The following UTRN variants were observed in gnomAD, a reference collection of about 807,000 sequenced individuals.
UTRN encodes dystrophin-related protein 1.
Under a neutral mutation model 463.9 loss-of-function variants are expected in UTRN, and 283 were observed. That is an observed-to-expected ratio of 0.61 (90% CI 0.55 to 0.67). UTRN has a LOEUF of 0.67. Among genes scored for constraint, UTRN ranks in the 30% least tolerant of loss-of-function variants. The pLI, the probability that UTRN is intolerant of heterozygous loss-of-function variation, is 0.00. For missense variants in UTRN, 3,922 were observed against 4,084.3 expected (o/e 0.96, Z 1.08); for synonymous variants, 1,442 against 1,431.5 (o/e 1.01, Z -0.17).
Position 144,525,828 on chromosome 6 carries a change from A to G in UTRN, c.5906+2640A>G, listed in dbSNP as rs572643303. On this transcript the variant is annotated intron_variant, in intron 41 of 74. Transcript: ENST00000367545. ...TTGATGTAGGCATTTAATGCTATGC[A>G]CATTCCTCTTAGTACCGCTTTTGCC... Among the ~76,000 whole-genome samples, 14 of 152,174 alleles carry G rather than the reference A, an allele frequency of 9.2e-5. No homozygotes were observed. In the East Asian group the frequency reaches 1.4e-3, roughly 15 times the overall value.
chr6:144,831,958 TCA>T (rs67546960), intron 69 of UTRN, among the ~76,000 whole-genome samples: 7,555 of 152,306 alleles, frequency 0.05, 522 homozygotes, highest in African/African-American at 0.15. Flanking sequence ...ATTGAATGAA[TCA>T]CAGTTTTTTT....
intron 51 of UTRN, among the ~76,000 whole-genome samples, chr6:144,588,791 G>A (rs367987837): frequency 6.6e-6 from 1 of 152,112 alleles, no homozygotes; most frequent in Non-Finnish European, 1.5e-5. Flanking sequence ...AGTATATTTG[G>A]TAGTTTATTT....
At chr6:144,424,732 C>G (rs1399851635) in intron 6 of UTRN, among the ~76,000 whole-genome samples, 1 of 152,164 alleles carries the variant, frequency 6.6e-6, no homozygotes, top group Non-Finnish European at 1.5e-5. Context: ...GTACCTTTCA[C>G]TCACATTTCC....
At chr6:144,611,867 T>C (rs1360428062) in intron 51 of UTRN, among the ~76,000 whole-genome samples, 1 of 152,164 alleles carries the variant, frequency 6.6e-6, no homozygotes, top group Non-Finnish European at 1.5e-5. Flanking sequence ...CAAATTTGTA[T>C]GAATCCACAA....
At position 144,771,930 on chromosome 6, in the gene UTRN, G is replaced by A; in HGVS notation, c.8519G>A (p.Trp2840Ter). ...AGCCATCAAACACAGACCACCTGTT[G>A]GGACCATCCTAAAATGACCGAACTC... ...YINHQTQTTC[W>*]DHPKMTELFQ... The change falls in exon 59 of 75, where the codon TGG (tryptophan) becomes TAG (stop). Residue 2840 changes from tryptophan to a stop codon, truncating the protein, a stop_gained. Coordinates refer to ENST00000367545, the MANE Select transcript of UTRN (RefSeq NM_007124.3). LOFTEE classifies it high-confidence loss of function. 1.3e-6 allele frequency: 2 copies of A among 1,576,812 alleles called. No individual in the cohort carries two copies. Among genetic ancestry groups the A allele is most frequent in the South Asian group, 1.2e-5 (1 of 86,306 alleles).
chr6:144,460,047 T>C (rs1789257722), intron 21 of UTRN, among the ~76,000 whole-genome samples: 1 of 151,432 alleles, frequency 6.6e-6, no homozygotes, highest in South Asian at 2.1e-4. Flanking sequence ...TTTCTTCCTT[T>C]GGTTGAGGAG....
At chr6:144,676,667 C>G (rs1270919386) in intron 51 of UTRN, among the ~76,000 whole-genome samples, 1 of 151,998 alleles carries the variant, frequency 6.6e-6, no homozygotes, top group Non-Finnish European at 1.5e-5. Context: ...TAATGCTATC[C>G]CTTCCCTAGC....
intron 29 of UTRN, among the ~76,000 whole-genome samples, 196 bp downstream of exon 29, chr6:144,487,893 G>A (rs1792629969): frequency 6.6e-6 from 1 of 152,032 alleles, no homozygotes; most frequent in African/African-American, 2.4e-5. Context: ...AGACAGAACT[G>A]GATGATTAAA....
chr6:144,357,492 G>A (rs985208768), intron 2 of UTRN, among the ~76,000 whole-genome samples: 3 of 152,050 alleles, frequency 2.0e-5, no homozygotes, highest in South Asian at 4.1e-4. Context: ...TTTCCTCTTC[G>A]GTGTTCTAGA....
chr6:144,818,884 A>C (rs1586701194), intron 65 of UTRN, among the ~76,000 whole-genome samples: 1 of 149,776 alleles, frequency 6.7e-6, no homozygotes, highest in African/African-American at 2.5e-5. Context: ...TCCCAACTAC[A>C]ATCTGTTGTT....
chr6:144,329,248 A>C (rs1776181066), intron 2 of UTRN, among the ~76,000 whole-genome samples: 1 of 151,712 alleles, frequency 6.6e-6, no homozygotes, highest in African/African-American at 2.4e-5. Flanking sequence ...ATGCCCAGCT[A>C]ATTTTTGTAT....
intron 2 of UTRN, among the ~76,000 whole-genome samples, chr6:144,326,118 T>C (rs755077903): frequency 6.6e-6 from 1 of 152,242 alleles, no homozygotes; most frequent in African/African-American, 2.4e-5. Flanking sequence ...TGCTGCATTG[T>C]GTTATCATCT....
chr6:144,680,097 AAGCATTCACTG>A (rs1782056749), intron 52 of UTRN, among the ~76,000 whole-genome samples: 1 of 152,166 alleles, frequency 6.6e-6, no homozygotes, highest in African/African-American at 2.4e-5. Flanking sequence ...TAATAGTGAA[AAGCATTCACTG>A]AGCATCCAGC....
At chr6:144,645,756 T>C (rs769243817) in intron 51 of UTRN, among the ~76,000 whole-genome samples, 25 of 152,154 alleles carry the variant, frequency 1.6e-4, no homozygotes, top group Non-Finnish European at 2.6e-4. Context: ...TGGAGAAAGC[T>C]GTGTTGGTGA....
rs2114910704 is a variant in UTRN, at chr6:144,444,322, A to G, written c.1554A>G (p.Glu518=). The part of the protein sequence containing the change: ...ERWTAVCRWT[E]ERWNRLQEIN... ...GGACAGCAGTATGCCGTTGGACTGAAGAACGCTGGAATAGGTTACAAGAAA... is the reference window on the plus strand; with the variant it reads ...GGACAGCAGTATGCCGTTGGACTGAGGAACGCTGGAATAGGTTACAAGAAA... The change falls in exon 14 of 75, where the codon GAA becomes GAG. Residue 518 remains glutamate (E), a synonymous_variant. Coordinates refer to ENST00000367545, the MANE Select transcript of UTRN (RefSeq NM_007124.3). 6.2e-7 allele frequency: 1 copy of G among 1,612,072 alleles called. No individual in the cohort carries two copies. Among genetic ancestry groups the G allele is most frequent in the East Asian group, 2.2e-5 (1 of 44,668 alleles).
chr6:144,609,558 T>C (rs1163353959), intron 51 of UTRN, among the ~76,000 whole-genome samples: 1 of 152,164 alleles, frequency 6.6e-6, no homozygotes, highest in African/African-American at 2.4e-5. Flanking sequence ...TATAGAAACT[T>C]TGGACTTGAA....
At chr6:144,421,817 G>T in intron 3 of UTRN, 61 bp from the exon 4 acceptor site, 1 of 1,345,644 alleles carries the variant, frequency 7.4e-7, no homozygotes, top group South Asian at 1.4e-5. Context: ...ATTTGCCCAG[G>T]TATATATGGA....
At chr6:144,287,999 T>A (rs1803853010) in intron 1 of UTRN, among the ~76,000 whole-genome samples, 1 of 152,244 alleles carries the variant, frequency 6.6e-6, no homozygotes, top group Admixed American at 6.5e-5. Context: ...TGGGATGCAT[T>A]GTTCGTGGTG....
At chr6:144,504,739 G>A (rs543711201) in intron 34 of UTRN, among the ~76,000 whole-genome samples, 1 of 152,148 alleles carries the variant, frequency 6.6e-6, no homozygotes, top group South Asian at 2.1e-4. Flanking sequence ...TTTTGTCTCT[G>A]CCAGGTTTTG....
Sources: gnomAD v4.1 joint callset for allele counts (sites outside exome capture counted in the v4.1 genomes callset) on GRCh38, gnomAD v4.1.1 for gene constraint, MANE v1.5 for transcripts, NCBI Gene and HGNC (gene_info 2026-07-23, HGNC 2026-07-21) for gene names.